LPXN: variants seen among roughly 807,000 people sequenced by gnomAD.
The protein encoded by LPXN is leupaxin.
A neutral mutation model predicts 45.6 loss-of-function variants in LPXN; 28 were observed. The ratio of observed to expected loss-of-function variants is 0.61; its 90% CI spans 0.45 to 0.84. The LOEUF is 0.84. Among genes scored for constraint, LPXN ranks in the 40% least tolerant of loss-of-function variants. LPXN has a pLI of 0.00. For missense variants in LPXN, 459 were observed against 475.0 expected (o/e 0.97, Z 0.31); for synonymous variants, 166 against 169.9 (o/e 0.98, Z 0.18).
chr11:58,571,058 TG>T (rs1319713815), intron 1 of LPXN, among the ~76,000 whole-genome samples: 3 of 152,156 alleles, frequency 2.0e-5, no homozygotes, highest in African/African-American at 7.2e-5. Flanking sequence ...AAAATAAAAC[TG>T]GGCTGGGTAT....
In LPXN at chr11:58,554,932, T is replaced by C. The variant is rs766914868; in HGVS notation, c.227A>G (p.Gln76Arg). Residue 76 changes from glutamine (Q) to arginine (R), a missense_variant, in exon 4 of 9, where the codon CAA becomes CGA. Gln to Arg is a conservative substitution (Grantham distance 43). Coordinates refer to ENST00000395074, the MANE Select transcript of LPXN (RefSeq NM_004811.3). ...AGGTGGTGGTGATTCCTTTGGCTCT[T>C]GGGCTTCACTATAGAGGGAAAACAA... The part of the protein sequence containing the change: ...IQELNVYSEA[Q>R]EPKESPPPSK... The C allele has an allele frequency of 6.2e-7, 1 of 1,612,720 alleles. No homozygotes were observed. The highest frequency in any genetic ancestry group is 2.2e-5 in the East Asian group (1 of 44,860).
upstream of LPXN, chr11:58,578,217 A>C: frequency 1.2e-6 from 1 of 816,664 alleles, no homozygotes; most frequent in Non-Finnish European, 1.8e-6. Context: ...TTGAGCCCGG[A>C]TGTACGGCAC....
intron 1 of LPXN, 54 bp downstream of exon 1, chr11:58,575,706 G>T (rs754435514): frequency 1.3e-6 from 2 of 1,599,580 alleles, no homozygotes; most frequent in African/African-American, 2.7e-5. Flanking sequence ...CACACAAGGA[G>T]ATGGCAGCCA....
chr11:58,549,748 C>T (rs778730211), intron 7 of LPXN, 38 bp downstream of exon 7: 112 of 1,584,534 alleles, frequency 7.1e-5, no homozygotes, highest in Non-Finnish European at 9.6e-5. Context: ...TAACTACCCA[C>T]TGGGGTGTGG....
intron 3 of LPXN, among the ~76,000 whole-genome samples, chr11:58,561,605 G>T (rs1471601854): frequency 6.6e-6 from 1 of 152,234 alleles, no homozygotes; most frequent in Non-Finnish European, 1.5e-5. Flanking sequence ...AATGCCTTGG[G>T]AATACAAAAG....
chr11:58,535,313 C>G (rs547512737), intron 7 of LPXN, among the ~76,000 whole-genome samples: 3 of 152,274 alleles, frequency 2.0e-5, no homozygotes, highest in African/African-American at 7.2e-5. Flanking sequence ...TATCAAAAAG[C>G]TTATCCGCCA....
chr11:58,544,336 G>T (rs1484686833), intron 7 of LPXN, among the ~76,000 whole-genome samples: 2 of 152,184 alleles, frequency 1.3e-5, no homozygotes, highest in Admixed American at 1.3e-4. Context: ...CTGAGTTTTT[G>T]ATTCAATGGG....
intron 5 of LPXN, 29 bp downstream of exon 5, chr11:58,551,036 T>C (rs1467228911): frequency 1.3e-6 from 2 of 1,529,110 alleles, no homozygotes; most frequent in Non-Finnish European, 1.8e-6. Context: ...CAAAGAAGGC[T>C]GTAGGACCAA....
At chr11:58,576,298 A>C (rs572865645), upstream of LPXN, among the ~76,000 whole-genome samples, 2 of 152,100 alleles carry the variant, frequency 1.3e-5, no homozygotes, top group African/African-American at 4.8e-5. Flanking sequence ...AATTATGGTT[A>C]TCTGCTTTCC....
chr11:58,554,857 GTCAGGTGAGCCATGAGCTCA>G lies in LPXN; in HGVS notation c.282_301del (p.Glu95Ter). On this transcript the variant is annotated frameshift_variant, in exon 4 of 9. Transcript: ENST00000395074. LOFTEE classifies it high-confidence loss of function. ...TGCACTCACCTTGGCCTGCATCTCA[GTCAGGTGAGCCATGAGCTCA>G]TCCAACTGAGCAGCTGCTGACGTTT... The G allele has an allele frequency of 1.2e-6, 2 of 1,613,818 alleles. No individual in the cohort carries two copies. The highest frequency in any genetic ancestry group is 1.7e-5 in the Admixed American group (1 of 60,016).
chr11:58,531,584 G>A (rs1853387655), intron 7 of LPXN, among the ~76,000 whole-genome samples: 1 of 152,120 alleles, frequency 6.6e-6, no homozygotes, highest in South Asian at 2.1e-4. Flanking sequence ...ACGTTTGACT[G>A]GTGTACCTGA....
At chr11:58,546,411 G>A (rs1853877356) in intron 7 of LPXN, among the ~76,000 whole-genome samples, 1 of 152,194 alleles carries the variant, frequency 6.6e-6, no homozygotes, top group Non-Finnish European at 1.5e-5. Flanking sequence ...AGTGATCAGA[G>A]ATGTTGGACA....
intron 4 of LPXN, 61 bp downstream of exon 4, chr11:58,554,780 G>A: frequency 1.6e-6 from 2 of 1,278,284 alleles, no homozygotes; most frequent in Non-Finnish European, 2.2e-6. Context: ...GACCCCATGG[G>A]CCCTGTTTAT....
intron 8 of LPXN, 149 bp downstream of exon 8, chr11:58,527,894 A>G: frequency 8.8e-7 from 1 of 1,137,650 alleles, no homozygotes; most frequent in South Asian, 1.5e-5. Flanking sequence ...ACAGACAAGC[A>G]AATGGATCTG....
At chr11:58,566,067 C>T (rs1264066320) in intron 2 of LPXN, among the ~76,000 whole-genome samples, 1 of 152,184 alleles carries the variant, frequency 6.6e-6, no homozygotes, top group African/African-American at 2.4e-5. Context: ...TATGTATTCA[C>T]ATACCTTAAT....
chr11:58,540,074 G>C (rs1853668871), intron 7 of LPXN, among the ~76,000 whole-genome samples: 1 of 151,994 alleles, frequency 6.6e-6, no homozygotes, highest in African/African-American at 2.4e-5. Flanking sequence ...ACCTATTCTT[G>C]TCATCCAGAC....
chr11:58,558,540 C>CAAAAAAAAAAAA (rs35870490), intron 3 of LPXN, among the ~76,000 whole-genome samples: 2 of 48,002 alleles, frequency 4.2e-5, no homozygotes, highest in African/African-American at 7.4e-5. Flanking sequence ...GAGACCCTGT[C>CAAAAAAAAAAAA]AAAAAAAAAA....
intron 3 of LPXN, among the ~76,000 whole-genome samples, chr11:58,561,488 TG>T (rs1351136678): frequency 6.6e-6 from 1 of 152,184 alleles, no homozygotes; most frequent in Non-Finnish European, 1.5e-5. Flanking sequence ...CAGTCAAGTA[TG>T]CAAGTAATTG....
intron 3 of LPXN, among the ~76,000 whole-genome samples, chr11:58,557,194 C>A (rs1854230042): frequency 6.6e-6 from 1 of 152,114 alleles, no homozygotes; most frequent in Non-Finnish European, 1.5e-5. Flanking sequence ...TTCTTCTGGG[C>A]ATACACAAAA....
Sources: allele counts gnomAD v4.1 joint callset (sites outside exome capture counted in the v4.1 genomes callset), GRCh38; gene constraint gnomAD v4.1.1; transcripts MANE v1.5; gene names NCBI Gene and HGNC (gene_info 2026-07-23, HGNC 2026-07-21).